The following TLR5 variants were observed in gnomAD, a reference collection of about 807,000 sequenced individuals.
The protein encoded by TLR5 is toll-like receptor 5.
For missense variants in TLR5, 944 were observed against 999.8 expected, an observed-to-expected ratio of 0.94 and a Z score of 0.75; for synonymous variants, 373 against 384.4, an observed-to-expected ratio of 0.97 and a Z score of 0.35.
intron 5 of TLR5, among the ~76,000 whole-genome samples, chr1:223,119,628 T>A (rs1446635001): frequency 2.0e-5 from 3 of 151,970 alleles, no homozygotes; most frequent in Non-Finnish European, 4.4e-5. Context: ...AACAGAGATC[T>A]TCAGACTGAT....
At chr1:223,117,252 C>T (rs930034771) in intron 5 of TLR5, among the ~76,000 whole-genome samples, 1 of 152,122 alleles carries the variant, frequency 6.6e-6, no homozygotes, top group African/African-American at 2.4e-5. Context: ...CCTGCCAAGC[C>T]CACGCCCACC....
intron 3 of TLR5, 111 bp from the exon 4 acceptor site, chr1:223,134,975 TTAACCTGA>T (rs1484441628): frequency 6.6e-6 from 1 of 152,416 alleles, no homozygotes; most frequent in Non-Finnish European, 1.5e-5. Context: ...AGGAACCCTA[TTAACCTGA>T]TCAGTTAGAT....
intron 5 of TLR5, among the ~76,000 whole-genome samples, chr1:223,115,388 T>C (rs148410943): frequency 4.7e-4 from 72 of 152,326 alleles, no homozygotes; most frequent in Non-Finnish European, 8.1e-4. Flanking sequence ...TAGCTTGGAT[T>C]AGAAATGTGT....
At position 223,110,484 on chromosome 1, in the gene TLR5, G is replaced by A. The variant is rs755120608; in HGVS notation, c.2548C>T (p.Pro850Ser). The change falls in exon 6 of 6, where the codon CCG (proline) becomes TCG (serine). Residue 850 changes from proline to serine, a missense_variant. Pro to Ser is a moderately conservative substitution (Grantham distance 74). Transcript: ENST00000642603. The stretch of plus-strand genomic sequence containing the variant: ...GAGATGGTTGCTACAGTTTGCAACG[G>A]AATGTTATTGTCTTTCTTCTTTTCT... ...EKEKKKDNNI[P>S]LQTVATIS is the part of the protein sequence containing the mutation. 6.2e-7 allele frequency: 1 copy of A among 1,614,146 alleles called. No homozygotes were observed. The highest frequency in any genetic ancestry group is 8.5e-7 in the Non-Finnish European group (1 of 1,180,026).
At chr1:223,127,560 T>G (rs1571752825) in intron 5 of TLR5, 1 of 152,122 alleles carries the variant, frequency 6.6e-6, no homozygotes, top group African/African-American at 2.4e-5. Context: ...GTCCAAAACA[T>G]TGCTAGGGCC....
intron 5 of TLR5, chr1:223,126,735 G>C (rs1318925928): frequency 1.3e-5 from 2 of 152,190 alleles, no homozygotes; most frequent in African/African-American, 4.8e-5. Flanking sequence ...AGGAAGAAGG[G>C]CTGGTAAGAA....
At position 223,112,127 on chromosome 1, in the gene TLR5, G is replaced by A. The variant is rs577882778; in HGVS notation, c.905C>T (p.Ser302Phe). ...HLDLSHGFVF[S>F]LNSRVFETLK... ...TGTCTCAAAGACTCGTGAGTTCAGG[G>A]AGAAGACAAACCCATGTGAAAGATC... is the stretch of plus-strand genomic sequence containing the variant. Residue 302 changes from serine (S) to phenylalanine (F), a missense_variant, in exon 6 of 6, where the codon TCC (serine) becomes TTC (phenylalanine). Coordinates refer to ENST00000642603, the MANE Select transcript of TLR5 (RefSeq NM_003268.6). 5.0e-6 allele frequency: 8 copies of A among 1,614,192 alleles called. No homozygotes were observed. The African/African-American group carries it at 1.1e-4, about 22-fold the overall frequency.
At chr1:223,115,838 G>A (rs745484372) in intron 5 of TLR5, among the ~76,000 whole-genome samples, 71 of 152,098 alleles carry the variant, frequency 4.7e-4, no homozygotes, top group Non-Finnish European at 6.0e-4. Context: ...AGGATGTGGA[G>A]AGGCCCAACG....
At chr1:223,141,854 G>GAA (rs1657888192) in intron 1 of TLR5, 91 bp from the exon 2 acceptor site, 2 of 144,052 alleles carry the variant, frequency 1.4e-5, no homozygotes, top group African/African-American at 5.1e-5. Context: ...GAGAGAGAGA[G>GAA]AGAAAGAGAG....
chr1:223,111,233 G>C lies in TLR5; in HGVS notation c.1799C>G (p.Thr600Ser). The C allele has an allele frequency of 6.2e-7, 1 of 1,614,198 alleles. No individual in the cohort carries two copies. Among genetic ancestry groups the C allele is most frequent in the Non-Finnish European group, 8.5e-7 (1 of 1,180,034 alleles). ...FINWLNHTNV[T>S]IAGPPADIYC... ...TATGTCTGCAGGAGGCCCAGCTATA[G>C]TGACATTGGTGTGATTAAGCCAATT... The change falls in exon 6 of 6, where the codon ACT (threonine) becomes AGT (serine). Residue 600 changes from threonine (T) to serine (S), a missense_variant. Physicochemically the swap from Thr to Ser is moderately conservative, Grantham distance 58. Transcript: ENST00000642603.
intron 4 of TLR5, among the ~76,000 whole-genome samples, chr1:223,133,212 G>C (rs1010242391): frequency 6.6e-6 from 1 of 152,202 alleles, no homozygotes; most frequent in East Asian, 1.9e-4. Context: ...TTATTTGATA[G>C]ATGATTAACT....
intron 5 of TLR5, among the ~76,000 whole-genome samples, chr1:223,115,918 T>C (rs752239155): frequency 6.6e-6 from 1 of 152,170 alleles, no homozygotes; most frequent in Non-Finnish European, 1.5e-5. Context: ...AATACACACA[T>C]GGTACGCATT....
chr1:223,133,012 T>C (rs851180), intron 4 of TLR5, among the ~76,000 whole-genome samples: 99,373 of 152,124 alleles, frequency 0.65, 33,509 homozygotes, highest in African/African-American at 0.82. Flanking sequence ...AGCAGAGAAC[T>C]TCCAGACAAA....
At chr1:223,134,575 A>G (rs1657528312) in intron 4 of TLR5, 107 bp downstream of exon 4, 1 of 152,304 alleles carries the variant, frequency 6.6e-6, no homozygotes, top group Non-Finnish European at 1.5e-5. Context: ...ATTTTAAAGC[A>G]TCTGATTGAA....
chr1:223,134,395 G>C (rs1053999717), intron 4 of TLR5: 1 of 152,154 alleles, frequency 6.6e-6, no homozygotes, highest in Non-Finnish European at 1.5e-5. Context: ...TTACCGGAAA[G>C]CTTCCTGTGT....
intron 5 of TLR5, among the ~76,000 whole-genome samples, chr1:223,124,925 G>A (rs1315619687): frequency 6.6e-6 from 1 of 152,188 alleles, no homozygotes; most frequent in Non-Finnish European, 1.5e-5. Flanking sequence ...GTGAATGGGG[G>A]AAGAAGGGTT....
intron 5 of TLR5, among the ~76,000 whole-genome samples, chr1:223,126,394 T>C (rs571052488): frequency 6.6e-6 from 1 of 152,296 alleles, no homozygotes; most frequent in African/African-American, 2.4e-5. Context: ...CAGTCTGGGA[T>C]GATGAAAACA....
chr1:223,124,532 C>T (rs1457211169), intron 5 of TLR5, among the ~76,000 whole-genome samples: 1 of 151,950 alleles, frequency 6.6e-6, no homozygotes, highest in Non-Finnish European at 1.5e-5. Context: ...CTTAAAAATA[C>T]ATAATACAGC....
At chr1:223,140,184 G>A (rs1657778305) in intron 2 of TLR5, among the ~76,000 whole-genome samples, 2 of 152,182 alleles carry the variant, frequency 1.3e-5, no homozygotes, top group South Asian at 2.1e-4. Context: ...CTTAAAAAAT[G>A]TAGGGGATTG....
Sources: gnomAD v4.1 joint callset for allele counts (sites outside exome capture counted in the v4.1 genomes callset) on GRCh38, gnomAD v4.1.1 for gene constraint, MANE v1.5 for transcripts, NCBI Gene and HGNC (gene_info 2026-07-23, HGNC 2026-07-21) for gene names.